SLC18A1: variants seen among roughly 807,000 people sequenced by gnomAD.
SLC18A1 encodes solute carrier family 18 member A1, also known as chromaffin granule amine transporter.
Under a neutral mutation model 53.7 loss-of-function variants are expected in SLC18A1, and 69 were observed. The observed-to-expected ratio is 1.28, with a 90% confidence interval of 1.06 to 1.57. The LOEUF (loss-of-function observed/expected upper bound fraction) is 1.57. SLC18A1 is among the 40% of genes most tolerant of loss of function. The pLI is 0.00. For synonymous variants in SLC18A1, 320 were observed against 248.1 expected, an observed-to-expected ratio of 1.29 and a Z score of -2.72; for missense variants, 932 against 668.1, an observed-to-expected ratio of 1.40 and a Z score of -4.35.
intron 10 of SLC18A1, among the ~76,000 whole-genome samples, chr8:20,151,409 G>A (rs1300943721): frequency 6.6e-6 from 1 of 152,112 alleles, no homozygotes; most frequent in East Asian, 1.9e-4. Context: ...AGCTTCAGAG[G>A]TGGTGTGGTT....
In SLC18A1 at chr8:20,145,202, C is replaced by G. The variant is rs2071363148; in HGVS notation, c.*561G>C. Reference sequence around the variant, plus strand: ...TCTAGATTTAGCCACAGAAAAATCACTCACTTTATTAAAAAAAAAAATAAA... The same window carrying G: ...TCTAGATTTAGCCACAGAAAAATCAGTCACTTTATTAAAAAAAAAAATAAA... On this transcript the variant is annotated 3_prime_UTR_variant, in exon 16 of 16. Coordinates refer to ENST00000276373, the MANE Select transcript of SLC18A1 (RefSeq NM_003053.4). 1 of 139,036 alleles carries G rather than the reference C, an allele frequency of 7.2e-6. No individual in the cohort carries two copies. Among genetic ancestry groups the G allele is most frequent in the South Asian group, 2.3e-4 (1 of 4,344 alleles). 8.6% of individuals were successfully genotyped at this position (139,036 alleles called of 1,614,324 possible). A position where few individuals can be genotyped will look rare whatever the true frequency, so the allele number is the denominator to read the frequency against.
chr8:20,151,980 G>A (rs2071568353), intron 10 of SLC18A1, among the ~76,000 whole-genome samples: 1 of 152,224 alleles, frequency 6.6e-6, no homozygotes, highest in South Asian at 2.1e-4. Flanking sequence ...ATTTTGAAAA[G>A]TGTTGAGTTA....
chr8:20,176,499 G>A (rs776510554), intron 4 of SLC18A1, among the ~76,000 whole-genome samples: 1 of 152,270 alleles, frequency 6.6e-6, no homozygotes, highest in East Asian at 1.9e-4. Flanking sequence ...CAAACCAGGA[G>A]AGTTGGTCAT....
chr8:20,178,430 CT>C lies in SLC18A1; in HGVS notation c.547+4del, dbSNP rs1563772133. On this transcript the variant is annotated splice_donor_region_variant and intron_variant, in intron 4 of 15. Coordinates refer to ENST00000276373, the MANE Select transcript of SLC18A1 (RefSeq NM_003053.4). ...AGGGAAGAAAAGAGGAAGCAAATTA[CT>C]TACTAACTGTGGAGAGAAACATGAT... is the stretch of plus-strand genomic sequence containing the variant. 1.9e-6 allele frequency: 3 copies of C among 1,608,382 alleles called. No homozygotes were observed. The highest frequency in any genetic ancestry group is 2.2e-5 in the East Asian group (1 of 44,772).
chr8:20,157,236 G>A (rs1476913018), intron 10 of SLC18A1, among the ~76,000 whole-genome samples: 1 of 152,180 alleles, frequency 6.6e-6, no homozygotes, highest in African/African-American at 2.4e-5. Flanking sequence ...ACGCCCCTAA[G>A]ATGTATTCTG....
chr8:20,159,651 AAAAAAAAAAAAAGAAAG>A (rs2071772149), intron 10 of SLC18A1, among the ~76,000 whole-genome samples: 1 of 68,388 alleles, frequency 1.5e-5, no homozygotes, highest in African/African-American at 7.6e-5. Context: ...AAAAAAAAAA[AAAAAAAAAAAAAGAAAG>A]AAAAAGAAAA....
Position 20,174,413 on chromosome 8 carries a change from G to C in SLC18A1, c.579C>G (p.Leu193=), listed in dbSNP as rs1217386506. ...MFAFSGTYTL[L]FVARTLQGIG... is the part of the protein sequence containing the mutation. ...TGCCTTGAAGGGTTCGGGCCACAAA[G>C]AGTAGAGTATAGGTCCCAGAAAAAG... is the stretch of plus-strand genomic sequence containing the variant. The change falls in exon 5 of 16, where the codon CTC becomes CTG. Residue 193 remains leucine (L), a synonymous_variant. Transcript: ENST00000276373. 1.2e-6 allele frequency: 2 copies of C among 1,613,920 alleles called. No homozygotes were observed. The highest frequency in any genetic ancestry group is 2.7e-5 in the African/African-American group (2 of 74,920).
chr8:20,161,686 AG>A (rs925140154), intron 10 of SLC18A1, among the ~76,000 whole-genome samples: 4 of 152,212 alleles, frequency 2.6e-5, no homozygotes, highest in Non-Finnish European at 5.9e-5. Flanking sequence ...GGAAGAAGAA[AG>A]GGGTAACAGG....
At chr8:20,169,631 C>A (rs1225885919) in intron 8 of SLC18A1, among the ~76,000 whole-genome samples, 1 of 152,094 alleles carries the variant, frequency 6.6e-6, no homozygotes, top group African/African-American at 2.4e-5. Context: ...ACAATCCCAG[C>A]ACTTTGGGAG....
At chr8:20,152,753 G>T (rs903856128) in intron 10 of SLC18A1, among the ~76,000 whole-genome samples, 1 of 152,196 alleles carries the variant, frequency 6.6e-6, no homozygotes, top group South Asian at 2.1e-4. Flanking sequence ...AGCCTTGGGG[G>T]ACTCCTATCT....
chr8:20,171,595 A>G (rs2072118812), intron 6 of SLC18A1, 101 bp from the exon 7 acceptor site: 3 of 893,160 alleles, frequency 3.4e-6, no homozygotes, highest in Non-Finnish European at 5.5e-6. Context: ...AAGGCCTGCT[A>G]GGGGCTAAGC....
intron 10 of SLC18A1, among the ~76,000 whole-genome samples, chr8:20,152,553 G>C (rs1251251416): frequency 1.3e-5 from 2 of 152,110 alleles, no homozygotes; most frequent in Non-Finnish European, 1.5e-5. Flanking sequence ...CTAGGTTTTT[G>C]TCTTAATCGA....
intron 3 of SLC18A1, 74 bp from the exon 4 acceptor site, chr8:20,178,567 TA>T: frequency 1.8e-6 from 2 of 1,138,764 alleles, no homozygotes; most frequent in Non-Finnish European, 2.6e-6. Flanking sequence ...TTTTTAAATG[TA>T]AGTGGGAGCA....
intron 4 of SLC18A1, among the ~76,000 whole-genome samples, chr8:20,178,121 AACACACACAC>A (rs10560327): frequency 6.7e-6 from 1 of 148,722 alleles, no homozygotes; most frequent in African/African-American, 2.5e-5. Flanking sequence ...TGATGCATAT[AACACACACAC>A]ACACACACAC....
intron 6 of SLC18A1, among the ~76,000 whole-genome samples, chr8:20,172,046 A>G (rs959276884): frequency 6.6e-6 from 1 of 152,258 alleles, no homozygotes. Context: ...CTTGCGGCCT[A>G]TGGAGAAACA....
intron 10 of SLC18A1, chr8:20,150,986 T>C: frequency 2.1e-6 from 1 of 469,818 alleles, no homozygotes; most frequent in South Asian, 2.4e-5. Flanking sequence ...TTCTTTCTTT[T>C]TTTGAGACAG....
chr8:20,147,526 G>A, intron 14 of SLC18A1, 77 bp downstream of exon 14: 1 of 1,599,858 alleles, frequency 6.3e-7, no homozygotes. Flanking sequence ...AACCCTAGGA[G>A]GATAGCTTCC....
chr8:20,174,910 T>C (rs2072218732), intron 4 of SLC18A1, among the ~76,000 whole-genome samples: 1 of 152,218 alleles, frequency 6.6e-6, no homozygotes, highest in African/African-American at 2.4e-5. Context: ...ATTATAGGAA[T>C]TGGGTAGAAA....
At chr8:20,157,143 C>A (rs139485224) in intron 10 of SLC18A1, among the ~76,000 whole-genome samples, 1 of 152,142 alleles carries the variant, frequency 6.6e-6, no homozygotes, top group East Asian at 1.9e-4. Context: ...CACTCTAGGA[C>A]TAATGCTCAT....
Sources: gnomAD v4.1 joint callset for allele counts (sites outside exome capture counted in the v4.1 genomes callset) on GRCh38, gnomAD v4.1.1 for gene constraint, MANE v1.5 for transcripts, NCBI Gene and HGNC (gene_info 2026-07-23, HGNC 2026-07-21) for gene names.